The following TMEM132E variants were observed in gnomAD, a reference collection of about 807,000 sequenced individuals.
TMEM132E encodes transmembrane protein 132E.
A neutral mutation model predicts 78.5 loss-of-function variants in TMEM132E; 49 were observed. The ratio of observed to expected loss-of-function variants is 0.62; its 90% CI spans 0.50 to 0.79. The LOEUF (loss-of-function observed/expected upper bound fraction) is 0.79, where lower values mean the gene tolerates loss of function less well. Ranked by LOEUF, TMEM132E falls within the 30% of genes least tolerant of loss-of-function variation. TMEM132E has a pLI of 0.00. For missense variants in TMEM132E, 1,403 were observed against 1,470.9 expected, an observed-to-expected ratio of 0.95 and a Z score of 0.75; for synonymous variants, 715 against 670.6, an observed-to-expected ratio of 1.07 and a Z score of -1.02.
rs547954641 is a variant in TMEM132E at position 34,637,575 on chromosome 17, C to A, written c.2568C>A (p.Gly856=). Reference sequence around the variant, plus strand: ...CGCTACCCGCACCGGAGGCTCCAGGCCCGGGCACCGCCAGCCCCGTCGTGC... The same window carrying A: ...CGCTACCCGCACCGGAGGCTCCAGGACCGGGCACCGCCAGCCCCGTCGTGC... ...GSALPAPEAP[G]PGTASPVVPP... The change falls in exon 9 of 9, where the codon GGC becomes GGA. Residue 856 remains glycine (G), a synonymous_variant. Transcript: ENST00000631683. The A allele has an allele frequency of 1.9e-6, 3 of 1,600,438 alleles. No individual in the cohort carries two copies. Among genetic ancestry groups the A allele is most frequent in the South Asian group, 2.2e-5 (2 of 90,246 alleles).
chr17:34,584,280 C>T (rs942292736), intron 1 of TMEM132E, among the ~76,000 whole-genome samples: 1 of 152,226 alleles, frequency 6.6e-6, no homozygotes, highest in African/African-American at 2.4e-5. Context: ...ACCCACCAGC[C>T]CCTCCATCTG....
intron 1 of TMEM132E, among the ~76,000 whole-genome samples, chr17:34,587,326 C>T (rs901678435): frequency 2.6e-5 from 4 of 152,198 alleles, no homozygotes; most frequent in African/African-American, 7.2e-5. Flanking sequence ...AGTCACAGAG[C>T]GGCAACCTCT....
intron 1 of TMEM132E, among the ~76,000 whole-genome samples, chr17:34,607,202 A>T (rs1047125402): frequency 1.3e-5 from 2 of 152,202 alleles, no homozygotes; most frequent in Non-Finnish European, 2.9e-5. Flanking sequence ...TCTTAGCTCT[A>T]CCATTATTTA....
intron 1 of TMEM132E, among the ~76,000 whole-genome samples, chr17:34,596,432 C>A (rs1906061968): frequency 6.6e-6 from 1 of 152,262 alleles, no homozygotes; most frequent in Admixed American, 6.5e-5. Flanking sequence ...CCTCTACTCC[C>A]CCTGGGCCCT....
Position 34,581,028 on chromosome 17 carries a change from T to C in TMEM132E, c.-49T>C. On this transcript the variant is annotated 5_prime_UTR_variant, in exon 1 of 9. Coordinates refer to ENST00000631683, the MANE Select transcript of TMEM132E (RefSeq NM_001304438.2). ...TGACCAAGCCCAGCCTGGGGCCAAG[T>C]CGTCGTCGACTGTTGCTCTCTCGGA... 1 of 1,484,466 alleles carries C rather than the reference T, an allele frequency of 6.7e-7. No individual in the cohort carries two copies. 92.0% of individuals were successfully genotyped at this position (1,484,466 alleles called of 1,614,324 possible). A position where few individuals can be genotyped will look rare whatever the true frequency, so the allele number is the denominator to read the frequency against.
At chr17:34,610,378 G>T (rs539360205) in intron 1 of TMEM132E, among the ~76,000 whole-genome samples, 3 of 152,254 alleles carry the variant, frequency 2.0e-5, no homozygotes, top group East Asian at 3.9e-4. Flanking sequence ...AGGCAGTCAG[G>T]CTGCATGGTG....
In TMEM132E at chr17:34,626,448, T is replaced by A. The variant is rs909710873; in HGVS notation, c.389T>A (p.Ile130Asn). 1.2e-6 allele frequency: 2 copies of A among 1,613,172 alleles called. No homozygotes were observed. Among genetic ancestry groups the A allele is most frequent in the Admixed American group, 3.3e-5 (2 of 60,004 alleles). The change falls in exon 2 of 9, where the codon ATC becomes AAC. Residue 130 changes from isoleucine to asparagine, a missense_variant. By Grantham distance (149) the Ile-to-Asn change is moderately radical. This residue lies in a region of TMEM132E where 511 missense variants were observed against 499.0 expected (regional missense o/e 1.02). Coordinates refer to ENST00000631683, the MANE Select transcript of TMEM132E (RefSeq NM_001304438.2). Reference sequence around the variant, plus strand: ...GTGAACTGGAAGGTGCGGGCCTTCATCGTCCGCTCGCACGTGCCCGCCTCG... The same window carrying A: ...GTGAACTGGAAGGTGCGGGCCTTCAACGTCCGCTCGCACGTGCCCGCCTCG... ...LTVNWKVRAF[I>N]VRSHVPASQP...
intron 1 of TMEM132E, among the ~76,000 whole-genome samples, chr17:34,586,035 G>A (rs1014403926): frequency 6.6e-6 from 1 of 151,978 alleles, no homozygotes; most frequent in Admixed American, 6.6e-5. Flanking sequence ...AGGGGGCGGT[G>A]CCCTCCAAGC....
chr17:34,609,172 GT>G (rs1906511421), intron 1 of TMEM132E, among the ~76,000 whole-genome samples: 1 of 152,218 alleles, frequency 6.6e-6, no homozygotes, highest in Admixed American at 6.5e-5. Flanking sequence ...TCTGGGGGGT[GT>G]CTGAAGAAGG....
chr17:34,608,807 T>C (rs566483406), intron 1 of TMEM132E, among the ~76,000 whole-genome samples: 1 of 152,170 alleles, frequency 6.6e-6, no homozygotes, highest in Non-Finnish European at 1.5e-5. Context: ...TATCATCTGC[T>C]CTTTTGTGGC....
chr17:34,638,121 G>A lies in TMEM132E; in HGVS notation c.3114G>A (p.Glu1038=), dbSNP rs1260081121. The A allele has an allele frequency of 5.6e-6, 9 of 1,606,218 alleles. No homozygotes were observed. The Admixed American group carries it at 6.8e-5, about 12-fold the overall frequency. Residue 1038 remains glutamate, a synonymous_variant, in exon 9 of 9, where the codon GAG becomes GAA. Coordinates refer to ENST00000631683, the MANE Select transcript of TMEM132E (RefSeq NM_001304438.2). ...CGGTGCCCGCGGGCGAAGAGGACGA[G>A]GAGGAGGAAGAGGACCTGGGTTGGG... ...YDSVPAGEED[E]EEEEDLGWGC... is the part of the protein sequence containing the mutation.
At chr17:34,607,103 G>C (rs1406451356) in intron 1 of TMEM132E, among the ~76,000 whole-genome samples, 1 of 152,188 alleles carries the variant, frequency 6.6e-6, no homozygotes, top group Admixed American at 6.5e-5. Context: ...ACGCTACAAG[G>C]CAGCTCCTTT....
At chr17:34,612,056 G>C (rs187658403) in intron 1 of TMEM132E, among the ~76,000 whole-genome samples, 92 of 152,256 alleles carry the variant, frequency 6.0e-4, no homozygotes, top group Non-Finnish European at 5.7e-4. Context: ...GGTGAACTGA[G>C]GCCCAAGTCA....
At chr17:34,617,854 A>G (rs1906832994) in intron 1 of TMEM132E, among the ~76,000 whole-genome samples, 2 of 152,210 alleles carry the variant, frequency 1.3e-5, no homozygotes, top group African/African-American at 4.8e-5. Context: ...TTTTACAAGC[A>G]ATGTGTGTTC....
At position 34,581,160 on chromosome 17, in the gene TMEM132E, G is replaced by T; in HGVS notation, c.67+17G>T. 6.7e-7 allele frequency: 1 copy of T among 1,501,500 alleles called. No individual in the cohort carries two copies. The highest frequency in any genetic ancestry group is 8.9e-7 in the Non-Finnish European group (1 of 1,129,558). The allele number at this position is 1,501,500 out of a possible 1,614,324, so 93.0% of individuals were successfully genotyped here. A position where few individuals can be genotyped will look rare whatever the true frequency, so the allele number is the denominator to read the frequency against. ...TCGCCCACGGTAAGTGTCGCGGCGC[G>T]GACTGGGGGTGAGGATGCGGCAGGC... On this transcript the variant is annotated intron_variant, in intron 1 of 8. Coordinates refer to ENST00000631683, the MANE Select transcript of TMEM132E (RefSeq NM_001304438.2).
intron 3 of TMEM132E, 89 bp from the exon 4 acceptor site, chr17:34,628,923 G>A: frequency 4.8e-6 from 7 of 1,462,080 alleles, no homozygotes; most frequent in Non-Finnish European, 6.4e-6. Flanking sequence ...CTGCCGGGGA[G>A]GGGTGGGGTC....
intron 1 of TMEM132E, among the ~76,000 whole-genome samples, chr17:34,582,635 A>G: frequency 6.6e-6 from 1 of 151,604 alleles, no homozygotes; most frequent in Non-Finnish European, 1.5e-5. Flanking sequence ...GTGGGAGCAT[A>G]GCGGGGAACC....
intron 1 of TMEM132E, 23 bp downstream of exon 1, chr17:34,581,166 G>C (rs1404427135): frequency 1.3e-6 from 2 of 1,498,538 alleles, no homozygotes; most frequent in Non-Finnish European, 1.8e-6. Context: ...GCGCGGACTG[G>C]GGGTGAGGAT....
chr17:34,605,533 G>A (rs551596752), intron 1 of TMEM132E, among the ~76,000 whole-genome samples: 15 of 152,182 alleles, frequency 9.9e-5, no homozygotes, highest in Non-Finnish European at 1.5e-4. Flanking sequence ...GAAGAGCCCT[G>A]TGGCTCTCCT....
Sources: allele counts gnomAD v4.1 joint callset (sites outside exome capture counted in the v4.1 genomes callset), GRCh38; gene constraint gnomAD v4.1.1; regional missense constraint gnomAD v4.1.1; transcripts MANE v1.5; gene names NCBI Gene and HGNC (gene_info 2026-07-23, HGNC 2026-07-21).